Variants in ZDHHC14 observed in about 807,000 individuals in gnomAD.
ZDHHC14 encodes palmitoyltransferase ZDHHC14.
Under a neutral mutation model 47.7 loss-of-function variants are expected in ZDHHC14, and 16 were observed. The observed-to-expected ratio is 0.34, with a 90% CI of 0.23 to 0.51. The LOEUF (loss-of-function observed/expected upper bound fraction) is 0.51, where lower values mean the gene tolerates loss of function less well. ZDHHC14 is among the 20% of genes least tolerant of loss of function. ZDHHC14 has a pLI of 0.97. For missense variants in ZDHHC14, 515 were observed against 662.5 expected, an observed-to-expected ratio of 0.78 and a Z score of 2.44; for synonymous variants, 293 against 278.9, an observed-to-expected ratio of 1.05 and a Z score of -0.50.
chr6:157,661,334 C>T (rs1460446221), intron 8 of ZDHHC14, among the ~76,000 whole-genome samples: 1 of 152,170 alleles, frequency 6.6e-6, no homozygotes, highest in Non-Finnish European at 1.5e-5. Context: ...TGTAAAAAAC[C>T]TGTAAGACTT....
chr6:157,516,245 A>G (rs1780688324), intron 1 of ZDHHC14, among the ~76,000 whole-genome samples: 1 of 152,254 alleles, frequency 6.6e-6, no homozygotes, highest in Admixed American at 6.5e-5. Context: ...ACTACATTCT[A>G]ACGTTGATAC....
intron 1 of ZDHHC14, among the ~76,000 whole-genome samples, chr6:157,425,983 A>T (rs1778209350): frequency 6.6e-6 from 1 of 152,142 alleles, no homozygotes; most frequent in Admixed American, 6.6e-5. Flanking sequence ...TCCTCACAGA[A>T]GTCTCCTGAT....
chr6:157,618,417 G>A (rs1785050310), intron 3 of ZDHHC14, among the ~76,000 whole-genome samples: 1 of 152,082 alleles, frequency 6.6e-6, no homozygotes, highest in African/African-American at 2.4e-5. Context: ...CGCCTCCTGG[G>A]TTCAAGTGAT....
rs1036136115 is a variant in ZDHHC14, at chr6:157,622,701, C to G, written c.566-5648C>G. Among the ~76,000 whole-genome samples, 3 of 152,240 alleles carry G rather than the reference C, an allele frequency of 2.0e-5. No individual in the cohort carries two copies. In the East Asian group the frequency reaches 5.8e-4, roughly 29 times the overall value. Reference sequence around the variant, plus strand: ...TTAGCACCTAGTCAGTATCTCCCAGCTCTCAGCCTTCTCAGAACGTATGCA... The same window carrying G: ...TTAGCACCTAGTCAGTATCTCCCAGGTCTCAGCCTTCTCAGAACGTATGCA... On this transcript the variant is annotated intron_variant, in intron 3 of 8. Transcript: ENST00000359775.
At chr6:157,660,557 C>T (rs1778306388) in intron 8 of ZDHHC14, among the ~76,000 whole-genome samples, 1 of 152,162 alleles carries the variant, frequency 6.6e-6, no homozygotes, top group Admixed American at 6.5e-5. Flanking sequence ...ACCAGCTGAC[C>T]CTCTTCAGAC....
chr6:157,645,239 A>G (rs984049788), intron 5 of ZDHHC14, among the ~76,000 whole-genome samples: 6 of 152,116 alleles, frequency 3.9e-5, no homozygotes, highest in African/African-American at 1.2e-4. Flanking sequence ...GGGCCTCAGA[A>G]GCCATTCTCC....
At chr6:157,552,362 A>G (rs1782269270) in intron 2 of ZDHHC14, among the ~76,000 whole-genome samples, 1 of 152,182 alleles carries the variant, frequency 6.6e-6, no homozygotes, top group South Asian at 2.1e-4. Flanking sequence ...CACATTGGGC[A>G]CAATAATCTC....
At chr6:157,624,901 A>G (rs1785340656) in intron 3 of ZDHHC14, among the ~76,000 whole-genome samples, 1 of 152,160 alleles carries the variant, frequency 6.6e-6, no homozygotes, top group Non-Finnish European at 1.5e-5. Context: ...TTTAGTCCTT[A>G]CAGTTCTGGA....
At chr6:157,667,111 A>T (rs955916427) in intron 8 of ZDHHC14, among the ~76,000 whole-genome samples, 5 of 152,244 alleles carry the variant, frequency 3.3e-5, no homozygotes, top group Non-Finnish European at 7.3e-5. Flanking sequence ...ATATGATTCA[A>T]CCTAATATTT....
chr6:157,553,346 C>T (rs1205109243), intron 2 of ZDHHC14, among the ~76,000 whole-genome samples: 1 of 152,046 alleles, frequency 6.6e-6, no homozygotes, highest in East Asian at 1.9e-4. Context: ...TAGAAGCCCC[C>T]AAATCAGGGC....
rs180745319 is a variant in ZDHHC14, at chr6:157,618,604, G to A, written c.566-9745G>A. Among the ~76,000 whole-genome samples the A allele has an allele frequency of 2.5e-3, 382 of 152,254 alleles. 1 individual carries two copies. Among genetic ancestry groups the A allele is most frequent in the Non-Finnish European group, 4.5e-3 (306 of 68,028 alleles). ...CCCAAAGTGCTGGGATTACAGGCAT[G>A]AGCCCCCGCGCCCGGCCACATGACG... On this transcript the variant is annotated intron_variant, in intron 3 of 8. Transcript: ENST00000359775.
intron 1 of ZDHHC14, among the ~76,000 whole-genome samples, chr6:157,392,435 A>G (rs1487432808): frequency 6.6e-6 from 1 of 151,994 alleles, no homozygotes; most frequent in Non-Finnish European, 1.5e-5. Flanking sequence ...CCTAATGTGT[A>G]TACAGCCCCC....
rs1486008613 is a variant in ZDHHC14, at chr6:157,674,886, A to G, written c.*1764A>G. 2 of 152,168 alleles carry G rather than the reference A, an allele frequency of 1.3e-5. No individual in the cohort carries two copies. The highest frequency in any genetic ancestry group is 6.5e-5 in the Admixed American group (1 of 15,278). 9.4% of individuals were successfully genotyped at this position (152,168 alleles called of 1,614,324 possible). On this transcript the variant is annotated 3_prime_UTR_variant, in exon 9 of 9. Transcript: ENST00000359775. ...ATAGAAAATGGAATAGGTCCATTCT[A>G]TGTAGCCATTTTTGATTTTCTGAAC...
intron 2 of ZDHHC14, among the ~76,000 whole-genome samples, chr6:157,543,922 A>G (rs1312221858): frequency 1.3e-5 from 2 of 152,238 alleles, no homozygotes; most frequent in African/African-American, 4.8e-5. Context: ...ATTTTGTAGC[A>G]CTTTAATCGT....
intron 8 of ZDHHC14, among the ~76,000 whole-genome samples, chr6:157,662,952 A>C (rs1426458314): frequency 3.9e-5 from 6 of 152,244 alleles, no homozygotes; most frequent in African/African-American, 1.4e-4. Flanking sequence ...TAAATTTAGC[A>C]CTCATGAAAA....
At chr6:157,633,815 G>A (rs1776834880) in intron 5 of ZDHHC14, among the ~76,000 whole-genome samples, 1 of 152,132 alleles carries the variant, frequency 6.6e-6, no homozygotes, top group Non-Finnish European at 1.5e-5. Context: ...ACCATGCCCG[G>A]CTAATTTTTG....
intron 5 of ZDHHC14, among the ~76,000 whole-genome samples, chr6:157,639,016 G>A (rs976988966): frequency 9.2e-5 from 14 of 152,232 alleles, no homozygotes; most frequent in Non-Finnish European, 1.8e-4. Flanking sequence ...TTGTGCCCAC[G>A]CACTCCACAT....
chr6:157,540,436 A>G (rs1181388256), intron 1 of ZDHHC14, among the ~76,000 whole-genome samples: 1 of 152,236 alleles, frequency 6.6e-6, no homozygotes, highest in Non-Finnish European at 1.5e-5. Flanking sequence ...AGACCCAAAA[A>G]GGAAAAAATA....
chr6:157,601,764 C>T (rs983958294), intron 3 of ZDHHC14, among the ~76,000 whole-genome samples: 2 of 151,936 alleles, frequency 1.3e-5, no homozygotes, highest in Non-Finnish European at 2.9e-5. Flanking sequence ...AGGGCCCATG[C>T]ACATGCTTTC....
Sources: allele counts gnomAD v4.1 joint callset (sites outside exome capture counted in the v4.1 genomes callset), GRCh38; gene constraint gnomAD v4.1.1; transcripts MANE v1.5; gene names NCBI Gene and HGNC (gene_info 2026-07-23, HGNC 2026-07-21).